LRP2: variants seen among roughly 807,000 people sequenced by gnomAD.
The protein encoded by LRP2 is LDL receptor related protein 2.
Under a neutral mutation model 531.0 loss-of-function variants are expected in LRP2, and 172 were observed. That is an observed-to-expected ratio of 0.32 (90% confidence interval 0.29 to 0.37). The LOEUF (loss-of-function observed/expected upper bound fraction) is 0.37. Ranked by LOEUF, LRP2 falls within the 10% of genes least tolerant of loss-of-function variation. LRP2 has a pLI of 1.00. For synonymous variants in LRP2, 1,992 were observed against 2,027.6 expected (o/e 0.98, Z 0.47); for missense variants, 5,167 against 5,868.3 (o/e 0.88, Z 3.90).
chr2:169,133,197 G>A (rs375737137), intron 76 of LRP2, among the ~76,000 whole-genome samples: 1 of 152,306 alleles, frequency 6.6e-6, no homozygotes, highest in Admixed American at 6.5e-5. Flanking sequence ...TTTTTGAAAA[G>A]ATGAGAATGA....
At chr2:169,346,868 G>A (rs979248025) in intron 1 of LRP2, among the ~76,000 whole-genome samples, 1 of 152,106 alleles carries the variant, frequency 6.6e-6, no homozygotes, top group Non-Finnish European at 1.5e-5. Flanking sequence ...TCCTTTTGTT[G>A]TAACAACTCA....
intron 56 of LRP2, among the ~76,000 whole-genome samples, chr2:169,173,625 C>T (rs1350772025): frequency 1.3e-5 from 2 of 152,158 alleles, no homozygotes; most frequent in Admixed American, 6.5e-5. Context: ...TTCTCTGTGG[C>T]TCAAGTGAGA....
intron 66 of LRP2, 109 bp from the exon 67 acceptor site, chr2:169,153,073 C>T: frequency 4.3e-6 from 4 of 931,324 alleles, no homozygotes; most frequent in South Asian, 1.3e-5. Context: ...CTCTACCTCC[C>T]TCCTCACTGT....
At chr2:169,175,480 G>A in intron 54 of LRP2, 91 bp from the exon 55 acceptor site, 2 of 1,172,574 alleles carry the variant, frequency 1.7e-6, no homozygotes, top group South Asian at 1.3e-5. Context: ...TCCAAGAAAT[G>A]ACATGCATGA....
Position 169,226,991 on chromosome 2 carries a change from A to G in LRP2, c.5228-403T>C, listed in dbSNP as rs537591064. On this transcript the variant is annotated intron_variant, in intron 31 of 78. Transcript: ENST00000649046. ...TTGAGTTTTGAAAAAAAAAAAGTGA[A>G]AAAAATCATTGAGACTATTCTTGTG... Among the ~76,000 whole-genome samples the G allele has an allele frequency of 2.5e-4, 38 of 152,334 alleles. 1 individual carries two copies. In the Middle Eastern group the frequency reaches 0.01, roughly 41 times the overall value.
Position 169,271,143 on chromosome 2 carries a change from C to T in LRP2, c.2117-36G>A, listed in dbSNP as rs374620119. ...AATAACACAGCACAGTCAGTCACAG[C>T]ATGGTTCTTTTCTCTCCTCCCAAAT... On this transcript the variant is annotated intron_variant, in intron 15 of 78. Coordinates refer to ENST00000649046, the MANE Select transcript of LRP2 (RefSeq NM_004525.3). The T allele has an allele frequency of 8.7e-6, 13 of 1,486,712 alleles. No individual in the cohort carries two copies. The African/African-American group carries it at 1.7e-4, about 19-fold the overall frequency. The allele number at this position is 1,486,712 out of a possible 1,614,324, so 92.1% of individuals were successfully genotyped here.
Position 169,271,654 on chromosome 2 carries a change from C to G in LRP2, c.2117-547G>C, listed in dbSNP as rs59546916. ...ACACACACACACACACACACACACA[C>G]AGAAACCTTTCTCACCTGTGCCATC... On this transcript the variant is annotated intron_variant, in intron 15 of 78. Transcript: ENST00000649046. 2.7e-3 allele frequency: 1,848 copies of G among 685,674 alleles called. 33 individuals carry two copies. The African/African-American group carries it at 0.037, about 14-fold the overall frequency. 42.5% of individuals were successfully genotyped at this position (685,674 alleles called of 1,614,324 possible). A position where few individuals can be genotyped will look rare whatever the true frequency, so the allele number is the denominator to read the frequency against.
At position 169,205,466 on chromosome 2, in the gene LRP2, C is replaced by G; in HGVS notation, c.7715+13G>C. ...TCTTCTTAACACCCACATGAGTAAC[C>G]AGAGACACCTACAGACTAGCATCCA... On this transcript the variant is annotated intron_variant, in intron 41 of 78. Coordinates refer to ENST00000649046, the MANE Select transcript of LRP2 (RefSeq NM_004525.3). 1 of 1,613,918 alleles carries G rather than the reference C, an allele frequency of 6.2e-7. No homozygotes were observed. The highest frequency in any genetic ancestry group is 8.5e-7 in the Non-Finnish European group (1 of 1,179,902).
chr2:169,288,945 A>C, intron 9 of LRP2, 81 bp downstream of exon 9: 1 of 1,604,240 alleles, frequency 6.2e-7, no homozygotes, highest in Non-Finnish European at 8.5e-7. Flanking sequence ...CCACAAGTGC[A>C]ACCTCCTAGA....
chr2:169,294,375 G>C (rs1169194310), intron 5 of LRP2, 114 bp from the exon 6 acceptor site: 1 of 792,112 alleles, frequency 1.3e-6, no homozygotes, highest in African/African-American at 1.7e-5. Flanking sequence ...TTAAGCAGTG[G>C]TGTGCTGGTA....
chr2:169,309,067 G>A (rs1208863632), intron 3 of LRP2, among the ~76,000 whole-genome samples: 3 of 152,078 alleles, frequency 2.0e-5, no homozygotes, highest in African/African-American at 7.2e-5. Flanking sequence ...TTTTGATGGG[G>A]TTGTTTGTTT....
At chr2:169,130,794 C>G (rs1236652851) in intron 77 of LRP2, among the ~76,000 whole-genome samples, 1 of 152,094 alleles carries the variant, frequency 6.6e-6, no homozygotes, top group Non-Finnish European at 1.5e-5. Flanking sequence ...AGGGTCTCAG[C>G]CTCACTAATG....
At chr2:169,157,582 T>C in intron 63 of LRP2, 80 bp from the exon 64 acceptor site, 1 of 1,524,726 alleles carries the variant, frequency 6.6e-7, no homozygotes. Flanking sequence ...AAGCACCTAC[T>C]CGTAACCAAC....
intron 50 of LRP2, among the ~76,000 whole-genome samples, chr2:169,183,114 G>A (rs1687501621): frequency 6.6e-6 from 1 of 152,190 alleles, no homozygotes; most frequent in Non-Finnish European, 1.5e-5. Flanking sequence ...TGCACCTATA[G>A]TGAGAAGGTC....
intron 33 of LRP2, among the ~76,000 whole-genome samples, chr2:169,221,829 A>G (rs1689021742): frequency 1.3e-5 from 2 of 152,062 alleles, no homozygotes; most frequent in South Asian, 2.1e-4. Context: ...TTTCTGCTAC[A>G]ATCTCTCTCC....
At chr2:169,170,697 G>T (rs979218002) in intron 58 of LRP2, 30 bp from the exon 59 acceptor site, 3 of 1,460,286 alleles carry the variant, frequency 2.1e-6, no homozygotes, top group Non-Finnish European at 2.9e-6. Context: ...GGCCATGAGT[G>T]TGCACCAGGA....
Position 169,154,445 on chromosome 2 carries a change from A to G in LRP2, c.12295+15T>C. On this transcript the variant is annotated intron_variant, in intron 66 of 78. Transcript: ENST00000649046. Reference sequence around the variant, plus strand: ...TCACTTAATATCAATGAAAGATGCCAAAGTTTATACTCACTGAGGCCTATG... The same window carrying G: ...TCACTTAATATCAATGAAAGATGCCGAAGTTTATACTCACTGAGGCCTATG... 2.5e-6 allele frequency: 4 copies of G among 1,609,396 alleles called. No homozygotes were observed. Among genetic ancestry groups the G allele is most frequent in the Non-Finnish European group, 2.6e-6 (3 of 1,175,870 alleles).
intron 76 of LRP2, among the ~76,000 whole-genome samples, chr2:169,137,017 G>A (rs1047361567): frequency 1.3e-5 from 2 of 152,218 alleles, no homozygotes; most frequent in Admixed American, 1.3e-4. Context: ...ATAGTGACCT[G>A]ACAATTCTCC....
In LRP2 at chr2:169,279,551, G is replaced by A; in HGVS notation, c.1386C>T (p.Leu462=). 3 of 1,613,898 alleles carry A rather than the reference G, an allele frequency of 1.9e-6. No individual in the cohort carries two copies. The highest frequency in any genetic ancestry group is 1.3e-5 in the African/African-American group (1 of 75,024). The change falls in exon 12 of 79, where the codon CTC becomes CTT. Residue 462 remains leucine, a synonymous_variant. Coordinates refer to ENST00000649046, the MANE Select transcript of LRP2 (RefSeq NM_004525.3). ...TCTCTGGGGTTTCAACAGAAACATT[G>A]AGAACCTCTTGGATATTTAAACCAT... ...DINGLNIQEV[L]NVSVETPENL...
Sources: gnomAD v4.1 joint callset for allele counts (sites outside exome capture counted in the v4.1 genomes callset) on GRCh38, gnomAD v4.1.1 for gene constraint, MANE v1.5 for transcripts, NCBI Gene and HGNC (gene_info 2026-07-23, HGNC 2026-07-21) for gene names.